The following CDH4 variants were observed in gnomAD, a reference collection of about 807,000 sequenced individuals.
The protein encoded by CDH4 is cadherin 4.
Under a neutral mutation model 86.0 loss-of-function variants are expected in CDH4, and 33 were observed. The ratio of observed to expected loss-of-function variants is 0.38; its 90% confidence interval spans 0.29 to 0.51. The LOEUF is 0.51. Among genes scored for constraint, CDH4 ranks in the 20% least tolerant of loss-of-function variants. The pLI, the probability that CDH4 is intolerant of heterozygous loss-of-function variation, is 0.86. For missense variants in CDH4, 1,114 were observed against 1,307.4 expected, an observed-to-expected ratio of 0.85 and a Z score of 2.28; for synonymous variants, 555 against 549.4, an observed-to-expected ratio of 1.01 and a Z score of -0.14.
At chr20:61,840,447 C>T (rs1982108576) in intron 4 of CDH4, among the ~76,000 whole-genome samples, 1 of 152,242 alleles carries the variant, frequency 6.6e-6, no homozygotes, top group East Asian at 1.9e-4. Context: ...CAGAACGTTT[C>T]ATGTCATCCA....
intron 2 of CDH4, among the ~76,000 whole-genome samples, chr20:61,372,441 T>C (rs2084846121): frequency 6.6e-6 from 1 of 152,238 alleles, no homozygotes; most frequent in South Asian, 2.1e-4. Context: ...TGTGGACTCT[T>C]CTGCCTGCAG....
At chr20:61,399,992 T>C (rs6061722) in intron 2 of CDH4, among the ~76,000 whole-genome samples, 85,882 of 152,074 alleles carry the variant, frequency 0.56, 25,785 homozygotes, top group African/African-American at 0.77. Context: ...GGCCCATTTT[T>C]ACCAGGATCC....
At chr20:61,278,827 C>T (rs1268714710) in intron 2 of CDH4, among the ~76,000 whole-genome samples, 1 of 152,226 alleles carries the variant, frequency 6.6e-6, no homozygotes, top group Non-Finnish European at 1.5e-5. Flanking sequence ...GTCAGGCCTG[C>T]CTGGGCTGGC....
chr20:61,679,302 A>G (rs368760831), intron 2 of CDH4, among the ~76,000 whole-genome samples: 54 of 152,194 alleles, frequency 3.5e-4, no homozygotes, highest in African/African-American at 1.3e-3. Context: ...AGTATAGAAC[A>G]GAGGTTCTAA....
intron 9 of CDH4, among the ~76,000 whole-genome samples, chr20:61,915,921 C>G (rs1029643940): frequency 2.0e-5 from 3 of 152,170 alleles, no homozygotes; most frequent in Admixed American, 2.0e-4. Flanking sequence ...CACAGACTTG[C>G]AGCCACACTG....
In CDH4 at chr20:61,252,735, G is replaced by T. The variant is rs1600807280; in HGVS notation, c.57+165G>T. ...GCCCGCGCTCGGCGAAGCTGCCTGC[G>T]GTCGGCAGGAGCGGGAAGCCGCCTG... On this transcript the variant is annotated intron_variant, in intron 1 of 15. Coordinates refer to ENST00000614565, the MANE Select transcript of CDH4 (RefSeq NM_001794.5). The surrounding 1 kb of genome is among the most constrained non-coding windows in gnomAD (Gnocchi z 4.4). Among the ~76,000 whole-genome samples, 5 of 151,360 alleles carry T rather than the reference G, an allele frequency of 3.3e-5. No homozygotes were observed. The South Asian group carries it at 1.0e-3, about 32-fold the overall frequency.
intron 2 of CDH4, among the ~76,000 whole-genome samples, chr20:61,466,153 C>T (rs1321779888): frequency 6.6e-6 from 1 of 152,154 alleles, no homozygotes. Flanking sequence ...CCACAACAGC[C>T]AGCTGAAAAT....
intron 4 of CDH4, among the ~76,000 whole-genome samples, chr20:61,803,665 G>A (rs6089512): frequency 6.6e-6 from 1 of 152,226 alleles, no homozygotes; most frequent in Non-Finnish European, 1.5e-5. Context: ...GCCAGGATAA[G>A]GGGGCGCCCA....
chr20:61,860,810 C>T (rs533363395), intron 6 of CDH4, among the ~76,000 whole-genome samples: 110 of 152,224 alleles, frequency 7.2e-4, no homozygotes, highest in African/African-American at 2.5e-3. Flanking sequence ...CTGTGTTTCC[C>T]AAGGGCTCCT....
At chr20:61,789,612 C>T (rs926404201) in intron 4 of CDH4, among the ~76,000 whole-genome samples, 3 of 152,158 alleles carry the variant, frequency 2.0e-5, no homozygotes, top group South Asian at 2.1e-4. Context: ...TGATGTGCTC[C>T]GTGTTTTCAG....
At chr20:61,787,706 T>C (rs1311655326) in intron 4 of CDH4, among the ~76,000 whole-genome samples, 1 of 152,192 alleles carries the variant, frequency 6.6e-6, no homozygotes, top group Non-Finnish European at 1.5e-5. Flanking sequence ...AACCAGAGAA[T>C]GTGGGATGCC....
chr20:61,341,657 A>G lies in CDH4; in HGVS notation c.169+86720A>G, dbSNP rs987388560. Among the ~76,000 whole-genome samples the G allele has an allele frequency of 4.6e-5, 7 of 152,218 alleles. No individual in the cohort carries two copies. The South Asian group carries it at 1.5e-3, about 32-fold the overall frequency. On this transcript the variant is annotated intron_variant, in intron 2 of 15. Coordinates refer to ENST00000614565, the MANE Select transcript of CDH4 (RefSeq NM_001794.5). ...CAAAGCAGAAGCTCCTTCTTCTCAG[A>G]TGATAAACACCTTTGTTGATTAATT... is the stretch of plus-strand genomic sequence containing the variant.
At chr20:61,439,895 G>T (rs1482247510) in intron 2 of CDH4, among the ~76,000 whole-genome samples, 1 of 152,228 alleles carries the variant, frequency 6.6e-6, no homozygotes, top group Non-Finnish European at 1.5e-5. Flanking sequence ...GGGAAAAAAG[G>T]CATTCTTGTA....
At chr20:61,349,942 C>T (rs2084700867) in intron 2 of CDH4, among the ~76,000 whole-genome samples, 1 of 152,150 alleles carries the variant, frequency 6.6e-6, no homozygotes, top group South Asian at 2.1e-4. Flanking sequence ...AGACTCAGCC[C>T]AGCGCCAGGA....
Position 61,886,258 on chromosome 20 carries a change from C to T in CDH4, c.1051-8652C>T, listed in dbSNP as rs185356809. On this transcript the variant is annotated intron_variant, in intron 7 of 15. Transcript: ENST00000614565. The stretch of plus-strand genomic sequence containing the variant: ...CAGGGTGCCTCACTGGCTGTGCAGC[C>T]GGCCAGCCGATGCTGGGTATGGCCA... 1.7e-3 allele frequency among the ~76,000 whole-genome samples: 266 copies of T among 152,334 alleles called. 1 individual carries two copies. The highest frequency in any genetic ancestry group is 3.4e-3 in the Middle Eastern group (1 of 294).
intron 2 of CDH4, among the ~76,000 whole-genome samples, chr20:61,262,545 C>T (rs191584461): frequency 2.6e-5 from 4 of 152,244 alleles, no homozygotes; most frequent in African/African-American, 9.6e-5. Context: ...TTCTTTGTTT[C>T]AGAAATAATG....
chr20:61,842,860 A>T (rs1300606212), intron 4 of CDH4, among the ~76,000 whole-genome samples: 1 of 152,182 alleles, frequency 6.6e-6, no homozygotes, highest in East Asian at 1.9e-4. Flanking sequence ...TTATGAAAAC[A>T]TTCAAGGTTA....
intron 2 of CDH4, among the ~76,000 whole-genome samples, chr20:61,602,495 A>G (rs1002390873): frequency 1.3e-5 from 2 of 151,924 alleles, no homozygotes; most frequent in African/African-American, 4.8e-5. Flanking sequence ...AAAGAAACAA[A>G]TCAATAATAA....
intron 4 of CDH4, among the ~76,000 whole-genome samples, chr20:61,780,564 G>A (rs1032862126): frequency 1.3e-5 from 2 of 152,232 alleles, no homozygotes; most frequent in South Asian, 4.1e-4. Flanking sequence ...ATGGTCATTA[G>A]GAAGATTGTT....
Sources: gnomAD v4.1 joint callset for allele counts (sites outside exome capture counted in the v4.1 genomes callset) on GRCh38, gnomAD v4.1.1 for gene constraint, Gnocchi (gnomAD v3.1) non-coding constraint, MANE v1.5 for transcripts, NCBI Gene and HGNC (gene_info 2026-07-23, HGNC 2026-07-21) for gene names.